Variants in RIMS2 observed in about 807,000 individuals in gnomAD.
RIMS2 encodes regulating synaptic membrane exocytosis 2.
RIMS2 carries 59 observed loss-of-function variants against 174.4 expected under a neutral mutation model. The observed-to-expected ratio is 0.34, with a 90% CI of 0.27 to 0.42. The LOEUF (loss-of-function observed/expected upper bound fraction) is 0.42, where lower values mean the gene tolerates loss of function less well. RIMS2 is among the 10% of genes least tolerant of loss of function. The probability of loss-of-function intolerance (pLI) is 1.00; values close to 1 mark genes in which losing one functional copy is unlikely to be tolerated. For missense variants in RIMS2, 1,620 were observed against 1,666.3 expected, an observed-to-expected ratio of 0.97 and a Z score of 0.48; for synonymous variants, 606 against 572.5, an observed-to-expected ratio of 1.06 and a Z score of -0.84.
At chr8:103,876,909 T>TATATACACACAC (rs71297243) in intron 3 of RIMS2, among the ~76,000 whole-genome samples, 1 of 66,132 alleles carries the variant, frequency 1.5e-5, no homozygotes, top group Non-Finnish European at 3.6e-5. Context: ...TATATATATA[T>TATATACACACAC]ACACACACAC....
At chr8:104,129,648 A>G in intron 19 of RIMS2, among the ~76,000 whole-genome samples, 1 of 152,244 alleles carries the variant, frequency 6.6e-6, no homozygotes, top group Non-Finnish European at 1.5e-5. Context: ...TGAAACATAC[A>G]GATGGGCAGA....
chr8:103,633,269 A>G (rs1286310479), intron 1 of RIMS2, among the ~76,000 whole-genome samples: 1 of 146,238 alleles, frequency 6.8e-6, no homozygotes, highest in African/African-American at 2.5e-5. Context: ...CTGGTCTCAA[A>G]CTCCTGACCT....
intron 3 of RIMS2, chr8:103,819,427 A>G: frequency 1.3e-6 from 2 of 1,588,158 alleles, no homozygotes; most frequent in Non-Finnish European, 1.7e-6. Context: ...GCGTGTTTTT[A>G]TTTGATGGTG....
At chr8:103,755,643 A>C (rs1192773701) in intron 2 of RIMS2, among the ~76,000 whole-genome samples, 2 of 151,264 alleles carry the variant, frequency 1.3e-5, no homozygotes, top group Non-Finnish European at 3.0e-5. Flanking sequence ...TTTTTTCTCT[A>C]ATCTTGTTTT....
At chr8:103,669,566 GTGGGAGTATAGGCAT>G (rs2096719096) in intron 1 of RIMS2, among the ~76,000 whole-genome samples, 1 of 152,122 alleles carries the variant, frequency 6.6e-6, no homozygotes, top group Admixed American at 6.5e-5. Flanking sequence ...CCTAGATACA[GTGGGAGTATAGGCAT>G]TGGATAAATA....
chr8:103,863,256 G>A (rs2099067924), intron 3 of RIMS2, among the ~76,000 whole-genome samples: 1 of 152,014 alleles, frequency 6.6e-6, no homozygotes, highest in Non-Finnish European at 1.5e-5. Flanking sequence ...TCTTTACATG[G>A]TGAATCACAT....
intron 3 of RIMS2, among the ~76,000 whole-genome samples, chr8:103,883,991 C>A (rs919254727): frequency 2.0e-5 from 3 of 151,784 alleles, no homozygotes; most frequent in Non-Finnish European, 2.9e-5. Context: ...TTATTCCTGT[C>A]GCCCATTCAA....
intron 3 of RIMS2, among the ~76,000 whole-genome samples, chr8:103,783,548 A>G (rs1193376343): frequency 2.8e-4 from 41 of 147,996 alleles, no homozygotes; most frequent in East Asian, 5.9e-4. Flanking sequence ...GCGATAGTTT[A>G]CTGAGAATGA....
intron 19 of RIMS2, among the ~76,000 whole-genome samples, chr8:104,076,241 G>C (rs2097289924): frequency 6.6e-6 from 1 of 152,030 alleles, no homozygotes; most frequent in Non-Finnish European, 1.5e-5. Flanking sequence ...AATTAAAAGA[G>C]TCATAGTTCA....
chr8:104,050,093 T>C (rs999051072), intron 19 of RIMS2, among the ~76,000 whole-genome samples: 3 of 152,178 alleles, frequency 2.0e-5, no homozygotes, highest in Non-Finnish European at 4.4e-5. Flanking sequence ...TATGCTAGAC[T>C]CAAATCATTC....
chr8:104,162,075 A>G (rs1027557455), intron 19 of RIMS2, among the ~76,000 whole-genome samples: 2 of 152,136 alleles, frequency 1.3e-5, no homozygotes, highest in African/African-American at 2.4e-5. Context: ...AAGGTTCATT[A>G]CCTTAATTAC....
chr8:104,112,793 C>T (rs1382475097), intron 19 of RIMS2, among the ~76,000 whole-genome samples: 1 of 152,176 alleles, frequency 6.6e-6, no homozygotes, highest in Non-Finnish European at 1.5e-5. Context: ...CTGCCTAGCA[C>T]AGCACAGGTC....
intron 3 of RIMS2, among the ~76,000 whole-genome samples, chr8:103,772,101 A>G (rs1754208686): frequency 6.6e-6 from 1 of 152,018 alleles, no homozygotes; most frequent in South Asian, 2.1e-4. Context: ...AATAAAAATA[A>G]TATTCAAAAT....
chr8:103,759,926 C>A (rs2140097916), intron 2 of RIMS2, among the ~76,000 whole-genome samples: 1 of 152,292 alleles, frequency 6.6e-6, no homozygotes, highest in East Asian at 1.9e-4. Context: ...CACCTGAATA[C>A]TTTCTTGGAG....
chr8:104,004,321 G>A (rs995433244), intron 17 of RIMS2, among the ~76,000 whole-genome samples: 1 of 152,164 alleles, frequency 6.6e-6, no homozygotes, highest in African/African-American at 2.4e-5. Flanking sequence ...ACATTAAGTG[G>A]CAGAGGGAGG....
At chr8:103,578,543 AAAAC>A (rs1308262657) in intron 1 of RIMS2, among the ~76,000 whole-genome samples, 1 of 151,836 alleles carries the variant, frequency 6.6e-6, no homozygotes, top group Non-Finnish European at 1.5e-5. Flanking sequence ...CAAAAAACAA[AAAAC>A]AAAACAAAAC....
intron 2 of RIMS2, among the ~76,000 whole-genome samples, chr8:103,698,947 G>T (rs1159818681): frequency 6.6e-6 from 1 of 151,894 alleles, no homozygotes; most frequent in Non-Finnish European, 1.5e-5. Flanking sequence ...GTGTAGAACT[G>T]GTAGATTACA....
intron 20 of RIMS2, among the ~76,000 whole-genome samples, chr8:104,245,327 A>G (rs951279985): frequency 4.6e-5 from 7 of 152,254 alleles, no homozygotes; most frequent in African/African-American, 1.4e-4. Context: ...TGCAAATAAA[A>G]TATTTTGCCC....
chr8:104,122,091 T>C (rs2098383198), intron 19 of RIMS2, among the ~76,000 whole-genome samples: 1 of 152,008 alleles, frequency 6.6e-6, no homozygotes, highest in Non-Finnish European at 1.5e-5. Flanking sequence ...GGGTATAAGA[T>C]GATAATAGTA....
Sources: allele counts gnomAD v4.1 joint callset (sites outside exome capture counted in the v4.1 genomes callset), GRCh38; gene constraint gnomAD v4.1.1; transcripts MANE v1.5; gene names NCBI Gene and HGNC (gene_info 2026-07-23, HGNC 2026-07-21).